FHOD3: variants seen among roughly 807,000 people sequenced by gnomAD.
The protein encoded by FHOD3 is FH1/FH2 domain-containing protein 3.
A neutral mutation model predicts 173.0 loss-of-function variants in FHOD3; 90 were observed. That is an observed-to-expected ratio of 0.52 (90% CI 0.44 to 0.62). FHOD3 has a LOEUF of 0.62. Ranked by LOEUF, FHOD3 falls within the 20% of genes least tolerant of loss-of-function variation. The pLI is 0.00. For missense variants in FHOD3, 1,945 were observed against 2,034.7 expected, an observed-to-expected ratio of 0.96 and a Z score of 0.85; for synonymous variants, 828 against 823.0, an observed-to-expected ratio of 1.01 and a Z score of -0.10.
intron 3 of FHOD3, among the ~76,000 whole-genome samples, chr18:36,405,553 C>T (rs1489345056): frequency 6.6e-6 from 1 of 152,090 alleles, no homozygotes; most frequent in Non-Finnish European, 1.5e-5. Context: ...GGGTGTGTGA[C>T]ATCTCAAGGT....
intron 10 of FHOD3, among the ~76,000 whole-genome samples, chr18:36,627,674 G>A (rs963431858): frequency 6.6e-6 from 1 of 152,210 alleles, no homozygotes; most frequent in Non-Finnish European, 1.5e-5. Flanking sequence ...TGATTATGAA[G>A]TGACTTCATT....
intron 3 of FHOD3, among the ~76,000 whole-genome samples, chr18:36,419,746 C>T (rs2049888614): frequency 6.6e-6 from 1 of 152,078 alleles, no homozygotes. Flanking sequence ...TGGAGGGATT[C>T]CTTGGGCCAG....
Position 36,453,681 on chromosome 18 carries a change from G to T in FHOD3, c.338-48251G>T, listed in dbSNP as rs567262510. Among the ~76,000 whole-genome samples the T allele has an allele frequency of 1.1e-4, 16 of 152,336 alleles. No individual in the cohort carries two copies. The East Asian group carries it at 2.9e-3, about 28-fold the overall frequency. ...GGCTCAGGGATGGCTGGAACAGGGA[G>T]CCAGGGGAGGCCAGGCTTTGAATGA... On this transcript the variant is annotated intron_variant, in intron 3 of 28. Transcript: ENST00000590592.
chr18:36,309,193 C>G (rs772260001), intron 1 of FHOD3, among the ~76,000 whole-genome samples: 24 of 152,054 alleles, frequency 1.6e-4, no homozygotes, highest in Non-Finnish European at 2.5e-4. Flanking sequence ...GAAGTACCAG[C>G]TTGTGAGCCA....
At chr18:36,645,541 C>T (rs930185179) in intron 10 of FHOD3, among the ~76,000 whole-genome samples, 3 of 152,302 alleles carry the variant, frequency 2.0e-5, no homozygotes, top group Middle Eastern at 3.4e-3. Context: ...AGTCCAGATC[C>T]ATCTCTCCCT....
chr18:36,692,147 C>T (rs992845987), intron 16 of FHOD3, among the ~76,000 whole-genome samples: 1 of 152,240 alleles, frequency 6.6e-6, no homozygotes, highest in African/African-American at 2.4e-5. Flanking sequence ...CGAGAAACCA[C>T]ACCCACCTTG....
At chr18:36,467,880 G>A (rs1568311076) in intron 3 of FHOD3, among the ~76,000 whole-genome samples, 1 of 152,240 alleles carries the variant, frequency 6.6e-6, no homozygotes, top group Non-Finnish European at 1.5e-5. Context: ...CTGCGGGTAA[G>A]TGCTGCCTGT....
At chr18:36,651,768 ATATT>A (rs2036070671) in intron 11 of FHOD3, among the ~76,000 whole-genome samples, 1 of 152,114 alleles carries the variant, frequency 6.6e-6, no homozygotes, top group Non-Finnish European at 1.5e-5. Context: ...AAAAATGTAT[ATATT>A]TAAGGTTTAC....
chr18:36,674,474 G>T (rs2037724717), intron 14 of FHOD3, among the ~76,000 whole-genome samples: 1 of 152,120 alleles, frequency 6.6e-6, no homozygotes, highest in South Asian at 2.1e-4. Context: ...TGAACTCCTG[G>T]CCTTGAGCAG....
At chr18:36,341,566 G>C (rs774691485) in intron 1 of FHOD3, among the ~76,000 whole-genome samples, 5 of 152,158 alleles carry the variant, frequency 3.3e-5, no homozygotes, top group Admixed American at 1.3e-4. Flanking sequence ...AGAGCTAATA[G>C]TAGTTTCATT....
rs543476710 is a variant in FHOD3 at position 36,672,222 on chromosome 18, T to G, written c.1836-9214T>G. Reference sequence around the variant, plus strand: ...AAGTGCCAACTTCCTCAGACAGAAATAGAGAAAATATTTTCAAAACCCATC... The same window carrying G: ...AAGTGCCAACTTCCTCAGACAGAAAGAGAGAAAATATTTTCAAAACCCATC... On this transcript the variant is annotated intron_variant, in intron 14 of 28. Transcript: ENST00000590592. Among the ~76,000 whole-genome samples, 61 of 152,226 alleles carry G rather than the reference T, an allele frequency of 4.0e-4. 1 individual carries two copies. In the South Asian group the frequency reaches 0.013, roughly 32 times the overall value.
chr18:36,364,457 G>C, intron 2 of FHOD3, among the ~76,000 whole-genome samples: 1 of 152,132 alleles, frequency 6.6e-6, no homozygotes, highest in Non-Finnish European at 1.5e-5. Flanking sequence ...AGACGCTCGA[G>C]GGCACAGTGA....
chr18:36,757,549 G>A (rs1029559852), intron 25 of FHOD3, among the ~76,000 whole-genome samples: 3 of 152,198 alleles, frequency 2.0e-5, no homozygotes, highest in Non-Finnish European at 4.4e-5. Context: ...CCCCCTGAAC[G>A]TTGGAGCTAG....
intron 3 of FHOD3, among the ~76,000 whole-genome samples, chr18:36,429,990 TG>T (rs1348134297): frequency 6.6e-6 from 1 of 152,158 alleles, no homozygotes. Context: ...TTACCTCATG[TG>T]GGCACCAAAC....
rs117476760 is a variant in FHOD3 at position 36,400,549 on chromosome 18, G to A, written c.337+27805G>A. On this transcript the variant is annotated intron_variant, in intron 3 of 28. Transcript: ENST00000590592. ...GGCTGAATTTTCCCTAGATCTCTGG[G>A]TGAACCAGGTGAATCATGAGCGGTC... Among the ~76,000 whole-genome samples the A allele has an allele frequency of 6.0e-3, 907 of 152,300 alleles. 3 individuals are homozygous for A. Among genetic ancestry groups the A allele is most frequent in the Non-Finnish European group, 9.4e-3 (641 of 68,026 alleles).
chr18:36,324,695 T>C (rs897945670), intron 1 of FHOD3, among the ~76,000 whole-genome samples: 12 of 152,196 alleles, frequency 7.9e-5, no homozygotes, highest in Admixed American at 2.6e-4. Context: ...ATGGTTAAAA[T>C]GTAAAAGCGT....
At chr18:36,736,566 C>A (rs923906899) in intron 20 of FHOD3, among the ~76,000 whole-genome samples, 7 of 152,188 alleles carry the variant, frequency 4.6e-5, no homozygotes, top group Admixed American at 1.3e-4. Flanking sequence ...GTCTGGCCAT[C>A]CCCAGCTGCA....
intron 1 of FHOD3, among the ~76,000 whole-genome samples, chr18:36,327,497 C>A (rs115448061): frequency 1.8e-4 from 27 of 152,368 alleles, no homozygotes; most frequent in African/African-American, 6.3e-4. Context: ...CAACTCCTCA[C>A]AGTGACTCTG....
At chr18:36,340,432 T>C (rs1260352805) in intron 1 of FHOD3, among the ~76,000 whole-genome samples, 1 of 152,154 alleles carries the variant, frequency 6.6e-6, no homozygotes, top group Non-Finnish European at 1.5e-5. Context: ...CAAAGGTTTT[T>C]ATTGTTTGAA....
Sources: allele counts gnomAD v4.1 joint callset (sites outside exome capture counted in the v4.1 genomes callset), GRCh38; gene constraint gnomAD v4.1.1; transcripts MANE v1.5; gene names NCBI Gene and HGNC (gene_info 2026-07-23, HGNC 2026-07-21).